CIRSR: variants seen among roughly 807,000 people sequenced by gnomAD.
CIRSR encodes the protein CBF1 (RBPJ) interacting corepressor 1.
chr2:174,384,401 A>C, the CIRSR span, among the ~76,000 whole-genome samples: 4 of 152,184 alleles, frequency 2.6e-5, no homozygotes, highest in Non-Finnish European at 5.9e-5. Context: ...TTAATGGTTT[A>C]ATGGTTACAA....
chr2:174,367,890 C>G, the CIRSR span, among the ~76,000 whole-genome samples: 5 of 150,874 alleles, frequency 3.3e-5, no homozygotes, highest in East Asian at 9.7e-4. Flanking sequence ...AAAAGATATA[C>G]CATGCTAACA....
the CIRSR span, chr2:174,351,839 T>A: frequency 1.6e-6 from 1 of 609,130 alleles, no homozygotes; most frequent in Non-Finnish European, 2.7e-6. Flanking sequence ...CTAAATCAAC[T>A]CAATAATCTT....
chr2:174,355,419 T>C, the CIRSR span, among the ~76,000 whole-genome samples: 1 of 152,198 alleles, frequency 6.6e-6, no homozygotes, highest in African/African-American at 2.4e-5. Context: ...GGCTCCTTTC[T>C]AGATCATCTC....
the CIRSR span, among the ~76,000 whole-genome samples, chr2:174,354,569 TTATATTA>T: frequency 6.5e-5 from 1 of 15,414 alleles, no homozygotes; most frequent in African/African-American, 1.1e-4. Flanking sequence ...ATTTTATATA[TTATATTA>T]TATATTATAT....
chr2:174,380,823 C>A, the CIRSR span: 2 of 1,584,192 alleles, frequency 1.3e-6, no homozygotes, highest in Non-Finnish European at 1.7e-6. Context: ...TTCTTGATTG[C>A]ATATCAAAAA....
chr2:174,393,078 A>G, the CIRSR span, among the ~76,000 whole-genome samples: 1 of 152,212 alleles, frequency 6.6e-6, no homozygotes, highest in African/African-American at 2.4e-5. Context: ...GAACAGTCTA[A>G]TAAGAGAGCT....
chr2:174,377,816 C>T, the CIRSR span, among the ~76,000 whole-genome samples: 3 of 99,878 alleles, frequency 3.0e-5, no homozygotes, highest in Middle Eastern at 0.013. Context: ...CAGAGCCAGA[C>T]GCCATCTCAA....
chr2:174,393,170 CA>C, the CIRSR span, among the ~76,000 whole-genome samples: 1 of 152,070 alleles, frequency 6.6e-6, no homozygotes, highest in East Asian at 1.9e-4. Context: ...ATGCAATTGT[CA>C]ATAGCCAGTT....
the CIRSR span, chr2:174,380,692 G>A: frequency 6.2e-6 from 10 of 1,611,690 alleles, no homozygotes; most frequent in Admixed American, 1.7e-5. Flanking sequence ...ATTTGTATTC[G>A]GTCTCTCCTT....
At chr2:174,363,361 A>C in the CIRSR span, among the ~76,000 whole-genome samples, 76 of 152,344 alleles carry the variant, frequency 5.0e-4, 1 homozygote, top group African/African-American at 1.6e-3. Flanking sequence ...AAGAGCAGAC[A>C]AAAACAAGGA....
At chr2:174,359,967 A>C in the CIRSR span, among the ~76,000 whole-genome samples, 4 of 152,322 alleles carry the variant, frequency 2.6e-5, no homozygotes, top group South Asian at 8.3e-4. Flanking sequence ...AGGACAGAAA[A>C]CCAAACACCG....
At chr2:174,367,248 A>G in the CIRSR span, among the ~76,000 whole-genome samples, 4 of 152,122 alleles carry the variant, frequency 2.6e-5, no homozygotes, top group Non-Finnish European at 5.9e-5. Context: ...CAGCCTGTGC[A>G]ACATAATGAG....
chr2:174,388,784 T>C, the CIRSR span, among the ~76,000 whole-genome samples: 2 of 152,198 alleles, frequency 1.3e-5, no homozygotes, highest in African/African-American at 4.8e-5. Context: ...AAATCTCATC[T>C]TGAATCATAG....
At chr2:174,370,749 C>A in the CIRSR span, among the ~76,000 whole-genome samples, 1 of 151,732 alleles carries the variant, frequency 6.6e-6, no homozygotes, top group East Asian at 1.9e-4. Context: ...CCCATCTCTA[C>A]TAAAAAAAAA....
At chr2:174,353,453 A>C in the CIRSR span, among the ~76,000 whole-genome samples, 1 of 152,204 alleles carries the variant, frequency 6.6e-6, no homozygotes, top group Non-Finnish European at 1.5e-5. Flanking sequence ...AGAGGTGCTC[A>C]TACAATTAAG....
the CIRSR span, among the ~76,000 whole-genome samples, chr2:174,393,091 A>G: frequency 2.0e-4 from 30 of 152,226 alleles, no homozygotes; most frequent in African/African-American, 7.0e-4. Context: ...AGAGAGCTGG[A>G]AAACTAGAAG....
At chr2:174,379,154 G>C in the CIRSR span, 1 of 720,834 alleles carries the variant, frequency 1.4e-6, no homozygotes, top group Non-Finnish European at 2.4e-6. Flanking sequence ...AAGATCTCCA[G>C]GGAAAAAGAC....
the CIRSR span, among the ~76,000 whole-genome samples, chr2:174,359,634 C>T: frequency 4.6e-5 from 7 of 152,238 alleles, no homozygotes; most frequent in African/African-American, 1.4e-4. Context: ...AGTTCAACCA[C>T]TGTGGAAGAC....
At chr2:174,373,716 T>C in the CIRSR span, among the ~76,000 whole-genome samples, 3 of 151,826 alleles carry the variant, frequency 2.0e-5, no homozygotes, top group Non-Finnish European at 4.4e-5. Flanking sequence ...ATTTAGACTG[T>C]TTACAATGGT....
Sources: allele counts gnomAD v4.1 joint callset (sites outside exome capture counted in the v4.1 genomes callset), GRCh38; gene constraint gnomAD v4.1.1; transcripts MANE v1.5; gene names NCBI Gene and HGNC (gene_info 2026-07-23, HGNC 2026-07-21).